PAIP2: variants seen among roughly 807,000 people sequenced by gnomAD.
The protein encoded by PAIP2 is poly(A) binding protein interacting protein 2, also known as polyadenylate-binding protein-interacting protein 2.
PAIP2 carries 7 observed loss-of-function variants against 14.8 expected under a neutral mutation model. That is an observed-to-expected ratio of 0.47 (90% CI 0.27 to 0.89). PAIP2 has a LOEUF of 0.89. Ranked by LOEUF, PAIP2 falls within the 40% of genes least tolerant of loss-of-function variation. PAIP2 has a pLI of 0.13. For synonymous variants in PAIP2, 47 were observed against 45.3 expected (o/e 1.04, Z -0.15); for missense variants, 122 against 154.7 (o/e 0.79, Z 1.12).
At chr5:139,348,332 G>A (rs1756619900) in intron 1 of PAIP2, among the ~76,000 whole-genome samples, 1 of 149,836 alleles carries the variant, frequency 6.7e-6, no homozygotes, top group Non-Finnish European at 1.5e-5. Flanking sequence ...GGGACAACAG[G>A]GGACCACCAC....
chr5:139,342,386 C>G (rs975734061), intron 1 of PAIP2: 1 of 152,042 alleles, frequency 6.6e-6, no homozygotes, highest in Non-Finnish European at 1.5e-5. Flanking sequence ...CCACTTTACG[C>G]CTGCGCGTCG....
Position 139,364,545 on chromosome 5 carries a change from T to C in PAIP2, c.139-19T>C, listed in dbSNP as rs764529067. On this transcript the variant is annotated intron_variant, in intron 2 of 3. Transcript: ENST00000265192. ...TATCTACCAAGTGTGCTATAAATTA[T>C]CCTTTATTATAAATCTAGATAGAAG... 1 of 1,454,294 alleles carries C rather than the reference T, an allele frequency of 6.9e-7. No individual in the cohort carries two copies. The highest frequency in any genetic ancestry group is 1.2e-5 in the South Asian group (1 of 86,422). The allele number at this position is 1,454,294 out of a possible 1,614,324, so 90.1% of individuals were successfully genotyped here.
chr5:139,363,897 A>T lies in PAIP2; in HGVS notation c.113A>T (p.Glu38Val). The T allele has an allele frequency of 6.2e-7, 1 of 1,613,506 alleles. No homozygotes were observed. The highest frequency in any genetic ancestry group is 8.5e-7 in the Non-Finnish European group (1 of 1,179,632). Residue 38 changes from glutamate to valine, a missense_variant, in exon 2 of 4, where the codon GAA (glutamate) becomes GTA (valine). Physicochemically the swap from Glu to Val is moderately radical, Grantham distance 121. This residue lies in a region of PAIP2 where 34 missense variants were observed against 74.0 expected (regional missense o/e 0.46). Coordinates refer to ENST00000265192, the MANE Select transcript of PAIP2 (RefSeq NM_016480.5). ...DNPFAEYMWM[E>V]NEEEFNRQIE... ...CCATTTGCAGAGTACATGTGGATGG[A>T]AAATGAAGAAGAATTCAACAGACAA...
In PAIP2 at chr5:139,368,905, C is replaced by A; in HGVS notation, c.*107C>A. The A allele has an allele frequency of 1.3e-6, 1 of 799,858 alleles. No homozygotes were observed. The highest frequency in any genetic ancestry group is 1.7e-5 in the South Asian group (1 of 59,288). The allele number at this position is 799,858 out of a possible 1,614,324, so 49.5% of individuals were successfully genotyped here. On this transcript the variant is annotated 3_prime_UTR_variant, in exon 4 of 4. Coordinates refer to ENST00000265192, the MANE Select transcript of PAIP2 (RefSeq NM_016480.5). ...CTCTTGTCACTGTGTTACACTTATG[C>A]ATTGCCAAAGTTTTTGTTAGTCTTG...
chr5:139,352,502 G>GTTTTTTTTTTTTTTTTTTTTTTTTTTTTT (rs536704901), intron 1 of PAIP2, among the ~76,000 whole-genome samples: 5 of 76,156 alleles, frequency 6.6e-5, no homozygotes, highest in African/African-American at 1.4e-4. Context: ...TTTTTTTGTT[G>GTTTTTTTTTTTTTTTTTTTTTTTTTTTTT]TTTTTTTTTT....
chr5:139,365,826 G>T (rs950467642), intron 3 of PAIP2, among the ~76,000 whole-genome samples: 15 of 152,130 alleles, frequency 9.9e-5, no homozygotes, highest in Admixed American at 1.3e-4. Context: ...ATGTCCTAAA[G>T]AATTAATAAT....
chr5:139,352,346 A>G (rs1355530699), intron 1 of PAIP2, among the ~76,000 whole-genome samples: 6 of 151,846 alleles, frequency 4.0e-5, no homozygotes, highest in African/African-American at 1.5e-4. Context: ...TCTCCTTTGC[A>G]TGAGATTAAT....
At chr5:139,344,305 ATGTAGCATAGC>A (rs1340148675) in intron 1 of PAIP2, among the ~76,000 whole-genome samples, 1 of 152,216 alleles carries the variant, frequency 6.6e-6, no homozygotes, top group Non-Finnish European at 1.5e-5. Context: ...TAAGGTGGCT[ATGTAGCATAGC>A]TGGGATTTGA....
At chr5:139,347,941 G>A (rs1756604691) in intron 1 of PAIP2, among the ~76,000 whole-genome samples, 1 of 152,136 alleles carries the variant, frequency 6.6e-6, no homozygotes, top group Non-Finnish European at 1.5e-5. Flanking sequence ...GGAGGCCGAG[G>A]TGGGCGGATC....
chr5:139,349,555 A>C (rs913661744), intron 1 of PAIP2, among the ~76,000 whole-genome samples: 1 of 152,056 alleles, frequency 6.6e-6, no homozygotes, highest in Non-Finnish European at 1.5e-5. Flanking sequence ...CCCTTGGAGT[A>C]CATTTTTAAT....
intron 1 of PAIP2, among the ~76,000 whole-genome samples, chr5:139,347,781 A>G (rs983590314): frequency 1.3e-5 from 2 of 152,222 alleles, no homozygotes; most frequent in Non-Finnish European, 2.9e-5. Context: ...CATAAAAAAA[A>G]AAAAGATGTT....
intron 1 of PAIP2, among the ~76,000 whole-genome samples, chr5:139,358,099 T>TCTC (rs1289147000): frequency 6.6e-6 from 1 of 152,082 alleles, no homozygotes; most frequent in Non-Finnish European, 1.5e-5. Context: ...AACAGCTGGG[T>TCTC]CTGGAGGCCC....
In PAIP2 at chr5:139,364,735, GA is replaced by G; in HGVS notation, c.311del (p.Asp104ValfsTer8). On this transcript the variant is annotated frameshift_variant, in exon 3 of 4. Coordinates refer to ENST00000265192, the MANE Select transcript of PAIP2 (RefSeq NM_016480.5). LOFTEE classifies it high-confidence loss of function. ...TATCAGTGATGGCTCTTCTCTGGAA[GA>G]TCTTGTGGTAAAAAGTTATTTTTCA... ...LVISDGSSLEDLVVKSNLNPN... is the reference protein window; with the variant it reads ...LVISDGSSLEXLVVKSNLNPN... 1 of 1,595,494 alleles carries G rather than the reference GA, an allele frequency of 6.3e-7. No individual in the cohort carries two copies. The highest frequency in any genetic ancestry group is 8.5e-7 in the Non-Finnish European group (1 of 1,170,288).
intron 3 of PAIP2, chr5:139,367,531 C>CT (rs537959586): frequency 1.1e-3 from 166 of 151,002 alleles, no homozygotes; most frequent in African/African-American, 3.9e-3. Flanking sequence ...GGTGACTTAT[C>CT]TGAGTTTACA....
At chr5:139,358,516 G>C (rs2060033086) in intron 1 of PAIP2, among the ~76,000 whole-genome samples, 1 of 151,784 alleles carries the variant, frequency 6.6e-6, no homozygotes, top group Non-Finnish European at 1.5e-5. Flanking sequence ...GAACACATTG[G>C]GTATATATTC....
chr5:139,367,294 C>T (rs1486309899), intron 3 of PAIP2: 1 of 152,086 alleles, frequency 6.6e-6, no homozygotes, highest in Non-Finnish European at 1.5e-5. Flanking sequence ...ACATTTCAGG[C>T]CCTGGAACCT....
chr5:139,368,751 C>G lies in PAIP2; in HGVS notation c.337C>G (p.Pro113Ala). 3 of 1,612,882 alleles carry G rather than the reference C, an allele frequency of 1.9e-6. No individual in the cohort carries two copies. The highest frequency in any genetic ancestry group is 2.5e-6 in the Non-Finnish European group (3 of 1,179,290). ...TTTCCAGGTCAAGAGCAATCTGAAT[C>G]CAAATGCAAAGGAGTTTGTTCCTGG... is the stretch of plus-strand genomic sequence containing the variant. ...EDLVVKSNLN[P>A]NAKEFVPGVK... The change falls in exon 4 of 4, where the codon CCA (proline) becomes GCA (alanine). Residue 113 changes from proline (P) to alanine (A), a missense_variant. Pro to Ala is a conservative substitution (Grantham distance 27). Around this residue, in one of 3 missense-constraint regions of PAIP2, gnomAD observed 46 missense variants for 44.0 expected, o/e 1.05. Transcript: ENST00000265192.
At chr5:139,352,075 T>TC (rs1756750421) in intron 1 of PAIP2, among the ~76,000 whole-genome samples, 1 of 151,938 alleles carries the variant, frequency 6.6e-6, no homozygotes, top group African/African-American at 2.4e-5. Flanking sequence ...TCTGAACTGT[T>TC]CCAAAGTCCA....
intron 2 of PAIP2, among the ~76,000 whole-genome samples, 174 bp from the exon 3 acceptor site, chr5:139,364,390 C>G (rs1648887342): frequency 6.6e-6 from 1 of 152,078 alleles, no homozygotes; most frequent in Non-Finnish European, 1.5e-5. Context: ...ATAGAAAAAC[C>G]CTAAACAGAT....
Sources: gnomAD v4.1 joint callset for allele counts (sites outside exome capture counted in the v4.1 genomes callset) on GRCh38, gnomAD v4.1.1 for gene constraint, gnomAD v4.1.1 regional missense constraint, MANE v1.5 for transcripts, NCBI Gene and HGNC (gene_info 2026-07-23, HGNC 2026-07-21) for gene names.